PTPRN2: variants seen among roughly 807,000 people sequenced by gnomAD.
The protein encoded by PTPRN2 is receptor-type tyrosine-protein phosphatase N2.
Under a neutral mutation model 118.8 loss-of-function variants are expected in PTPRN2, and 74 were observed. The ratio of observed to expected loss-of-function variants is 0.62; its 90% CI spans 0.52 to 0.76. The LOEUF (loss-of-function observed/expected upper bound fraction) is 0.76, where lower values mean the gene tolerates loss of function less well. Among genes scored for constraint, PTPRN2 ranks in the 30% least tolerant of loss-of-function variants. The pLI is 0.00. For synonymous variants in PTPRN2, 641 were observed against 608.0 expected, an observed-to-expected ratio of 1.05 and a Z score of -0.80; for missense variants, 1,481 against 1,394.4, an observed-to-expected ratio of 1.06 and a Z score of -0.99.
At chr7:157,899,192 G>A (rs1193451272) in intron 11 of PTPRN2, among the ~76,000 whole-genome samples, 2 of 152,158 alleles carry the variant, frequency 1.3e-5, no homozygotes, top group Admixed American at 6.5e-5. Flanking sequence ...CATCAGCACC[G>A]CCAGCTATTT....
At chr7:158,275,739 C>T (rs1798918273) in intron 3 of PTPRN2, among the ~76,000 whole-genome samples, 1 of 152,128 alleles carries the variant, frequency 6.6e-6, no homozygotes, top group South Asian at 2.1e-4. Context: ...TGCGCACCTC[C>T]ACGTGTGGCA....
chr7:157,782,374 C>G (rs1803733084), intron 12 of PTPRN2, among the ~76,000 whole-genome samples: 1 of 152,234 alleles, frequency 6.6e-6, no homozygotes, highest in Admixed American at 6.5e-5. Flanking sequence ...TCGGTTCCAG[C>G]AGGCGTCTGG....
intron 11 of PTPRN2, among the ~76,000 whole-genome samples, chr7:158,054,748 C>A (rs1175398657): frequency 1.3e-5 from 2 of 152,234 alleles, no homozygotes; most frequent in Non-Finnish European, 2.9e-5. Flanking sequence ...CCATAGTGTG[C>A]CCCGTAGCAC....
intron 3 of PTPRN2, among the ~76,000 whole-genome samples, chr7:158,282,328 A>G (rs1799482671): frequency 6.6e-6 from 1 of 152,206 alleles, no homozygotes; most frequent in Non-Finnish European, 1.5e-5. Context: ...AGAGTATTTT[A>G]TTGTTAAACT....
chr7:158,068,086 G>C (rs936751242), intron 11 of PTPRN2, among the ~76,000 whole-genome samples: 2 of 152,188 alleles, frequency 1.3e-5, no homozygotes, highest in Non-Finnish European at 2.9e-5. Context: ...GCTGAGCCAG[G>C]GTGGGCAACA....
chr7:158,558,557 C>T (rs1384439143), intron 1 of PTPRN2, among the ~76,000 whole-genome samples: 1 of 152,000 alleles, frequency 6.6e-6, no homozygotes, highest in African/African-American at 2.4e-5. Context: ...AGGGTACCTC[C>T]AGCCAATATT....
intron 14 of PTPRN2, among the ~76,000 whole-genome samples, chr7:157,653,401 G>A (rs568615285): frequency 3.9e-5 from 6 of 152,290 alleles, no homozygotes; most frequent in South Asian, 4.1e-4. Flanking sequence ...GGATCACCAC[G>A]GAATTGGCTG....
intron 10 of PTPRN2, among the ~76,000 whole-genome samples, chr7:158,085,600 C>G (rs1321276936): frequency 7.6e-6 from 1 of 130,778 alleles, no homozygotes. Flanking sequence ...AGATACCCAT[C>G]CACACCCACG....
chr7:157,801,585 A>G lies in PTPRN2; in HGVS notation c.1788+97088T>C, dbSNP rs2151097511. On this transcript the variant is annotated intron_variant, in intron 12 of 22. Transcript: ENST00000389418. This position sits in a 1 kb window ranked among gnomAD's most constrained non-coding sequence, Gnocchi z 4.2. ...AGGTAAAAACATCTTAGCCTGCATG[A>G]AAACAAACATCATCTTAGAAGAAGG... is the stretch of plus-strand genomic sequence containing the variant. 6.6e-6 allele frequency among the ~76,000 whole-genome samples: 1 copy of G among 152,328 alleles called. No homozygotes were observed. The highest frequency in any genetic ancestry group is 2.4e-5 in the African/African-American group (1 of 41,554).
At chr7:158,016,451 C>G (rs929078990) in intron 11 of PTPRN2, among the ~76,000 whole-genome samples, 1 of 152,168 alleles carries the variant, frequency 6.6e-6, no homozygotes, top group Non-Finnish European at 1.5e-5. Flanking sequence ...CTGTCCGAGG[C>G]GCGGAGCCCA....
intron 18 of PTPRN2, 71 bp downstream of exon 18, chr7:157,577,950 T>G: frequency 6.8e-7 from 1 of 1,467,724 alleles, no homozygotes; most frequent in Non-Finnish European, 9.1e-7. Flanking sequence ...ACGAATCCCA[T>G]TCGGAGGAGG....
intron 6 of PTPRN2, among the ~76,000 whole-genome samples, chr7:158,161,783 A>G (rs569651794): frequency 7.3e-6 from 1 of 136,886 alleles, no homozygotes; most frequent in African/African-American, 2.6e-5. Flanking sequence ...CTGTCAAGAG[A>G]ATGAAAATAC....
Position 157,671,261 on chromosome 7 carries a change from G to A in PTPRN2, c.2001+11464C>T, listed in dbSNP as rs942307737. On this transcript the variant is annotated intron_variant, in intron 13 of 22. Transcript: ENST00000389418. This position sits in a 1 kb window ranked among gnomAD's most constrained non-coding sequence, Gnocchi z 4.1. ...TGGGAAGCCAAGGCTGTCCCCACAC[G>A]GGCTGGTCTGGTGTGGGCAACAAGG... 2.6e-5 allele frequency among the ~76,000 whole-genome samples: 4 copies of A among 152,270 alleles called. No individual in the cohort carries two copies. The highest frequency in any genetic ancestry group is 4.1e-4 in the South Asian group (2 of 4,828).
In PTPRN2 at chr7:158,462,058, C is replaced by G. The variant is rs145248088; in HGVS notation, c.163+27677G>C. Reference sequence around the variant, plus strand: ...GTACTTCTCCTTCCATGCTTTCAGACCCCCTGTGCTTCCGCCCACGCCCTG... The same window carrying G: ...GTACTTCTCCTTCCATGCTTTCAGAGCCCCTGTGCTTCCGCCCACGCCCTG... On this transcript the variant is annotated intron_variant, in intron 2 of 22. Transcript: ENST00000389418. Among the ~76,000 whole-genome samples the G allele has an allele frequency of 5.8e-4, 88 of 152,394 alleles. 1 individual carries two copies. Among genetic ancestry groups the G allele is most frequent in the African/African-American group, 1.9e-3 (81 of 41,584 alleles).
chr7:157,823,737 G>C (rs919247148), intron 12 of PTPRN2, among the ~76,000 whole-genome samples: 1 of 152,168 alleles, frequency 6.6e-6, no homozygotes, highest in Non-Finnish European at 1.5e-5. Context: ...CTCTTCAAAG[G>C]CTTGATATAT....
chr7:158,508,918 G>A (rs895299142), intron 1 of PTPRN2, among the ~76,000 whole-genome samples: 35 of 149,854 alleles, frequency 2.3e-4, no homozygotes, highest in Admixed American at 1.3e-4. Flanking sequence ...GAGCAGGTGC[G>A]GAAGTGGCTC....
rs2043495 is a variant in PTPRN2 at position 157,974,452 on chromosome 7, C to A, written c.1724-75715G>T. Among the ~76,000 whole-genome samples the A allele has an allele frequency of 0.026, 3,882 of 152,222 alleles. 162 individuals carry two copies. Among genetic ancestry groups the A allele is most frequent in the African/African-American group, 0.088 (3,669 of 41,512 alleles). Reference sequence around the variant, plus strand: ...TACTGTGGAGTTAGTGGGTCCACTTCGAGAAGACAGAGACAGAGTGAAGCC... The same window carrying A: ...TACTGTGGAGTTAGTGGGTCCACTTAGAGAAGACAGAGACAGAGTGAAGCC... On this transcript the variant is annotated intron_variant, in intron 11 of 22. Transcript: ENST00000389418. This position sits in a 1 kb window ranked among gnomAD's most constrained non-coding sequence, Gnocchi z 4.0.
intron 2 of PTPRN2, among the ~76,000 whole-genome samples, chr7:158,363,505 C>T (rs946485960): frequency 1.1e-4 from 17 of 152,230 alleles, no homozygotes; most frequent in Non-Finnish European, 2.5e-4. Flanking sequence ...TCGAAGCCTG[C>T]ACACAATTCC....
intron 2 of PTPRN2, among the ~76,000 whole-genome samples, chr7:158,345,000 G>A (rs900956941): frequency 6.6e-6 from 1 of 152,204 alleles, no homozygotes; most frequent in Non-Finnish European, 1.5e-5. Flanking sequence ...TTAGGCCATG[G>A]AGGGAAAGTA....
Sources: allele counts gnomAD v4.1 joint callset (sites outside exome capture counted in the v4.1 genomes callset), GRCh38; gene constraint gnomAD v4.1.1; non-coding constraint Gnocchi (gnomAD v3.1); transcripts MANE v1.5; gene names NCBI Gene and HGNC (gene_info 2026-07-23, HGNC 2026-07-21).